The following CAMK1D variants were observed in gnomAD, a reference collection of about 807,000 sequenced individuals.
CAMK1D encodes calcium/calmodulin-dependent protein kinase type 1D.
A neutral mutation model predicts 47.7 loss-of-function variants in CAMK1D; 9 were observed. The ratio of observed to expected loss-of-function variants is 0.19; its 90% confidence interval spans 0.11 to 0.33. The LOEUF is 0.33. Among genes scored for constraint, CAMK1D ranks in the 10% least tolerant of loss-of-function variants. CAMK1D has a pLI of 1.00. For synonymous variants in CAMK1D, 184 were observed against 184.9 expected (o/e 0.99, Z 0.04); for missense variants, 291 against 488.7 (o/e 0.60, Z 3.81).
chr10:12,591,946 C>T (rs1000960727), intron 2 of CAMK1D, among the ~76,000 whole-genome samples: 6 of 152,230 alleles, frequency 3.9e-5, no homozygotes, highest in African/African-American at 1.4e-4. Context: ...ACCCCCTCGG[C>T]CTCCCAAAGT....
At chr10:12,444,705 G>T (rs1484051687) in intron 1 of CAMK1D, among the ~76,000 whole-genome samples, 1 of 152,214 alleles carries the variant, frequency 6.6e-6, no homozygotes, top group East Asian at 1.9e-4. Context: ...GAATACAGGT[G>T]CATTCAAAGG....
rs749675063 is a variant in CAMK1D, at chr10:12,810,151, TAAAA to T, written c.642-4030_642-4027del. On this transcript the variant is annotated intron_variant, in intron 6 of 10. Coordinates refer to ENST00000619168, the MANE Select transcript of CAMK1D (RefSeq NM_153498.4). ...GTGACAGAGAGAGACCCTGTCTCAT[TAAAA>T]AAAAAAAAAAAAAGGCGTTAGGAGG... 1.2e-3 allele frequency among the ~76,000 whole-genome samples: 96 copies of T among 81,418 alleles called. 1 individual carries two copies. The highest frequency in any genetic ancestry group is 5.4e-3 in the African/African-American group (88 of 16,334). The allele number at this position is 81,418 out of a possible 152,430, so 53.4% of individuals were successfully genotyped here.
chr10:12,517,540 T>G (rs184899049), intron 1 of CAMK1D, among the ~76,000 whole-genome samples: 1 of 152,288 alleles, frequency 6.6e-6, no homozygotes, highest in Non-Finnish European at 1.5e-5. Flanking sequence ...GTTAAGGAAG[T>G]TTGCTTTCTA....
intron 1 of CAMK1D, among the ~76,000 whole-genome samples, chr10:12,552,089 G>T (rs1836602394): frequency 6.6e-6 from 1 of 152,202 alleles, no homozygotes; most frequent in South Asian, 2.1e-4. Flanking sequence ...CCATGCCAGG[G>T]TTATTAGTGG....
intron 2 of CAMK1D, among the ~76,000 whole-genome samples, chr10:12,558,321 C>T (rs1405574381): frequency 3.3e-5 from 5 of 152,138 alleles, no homozygotes; most frequent in Non-Finnish European, 4.4e-5. Context: ...TGGGAGGCTG[C>T]TGTGGGTGGG....
chr10:12,492,781 A>G (rs1834425170), intron 1 of CAMK1D, among the ~76,000 whole-genome samples: 1 of 152,200 alleles, frequency 6.6e-6, no homozygotes, highest in Non-Finnish European at 1.5e-5. Context: ...GCTCCCCACC[A>G]CACCTGTATG....
At chr10:12,417,199 A>G (rs1391529330) in intron 1 of CAMK1D, among the ~76,000 whole-genome samples, 1 of 152,150 alleles carries the variant, frequency 6.6e-6, no homozygotes, top group Non-Finnish European at 1.5e-5. Context: ...TATTACCTAG[A>G]CGCAGGATGA....
At chr10:12,552,800 G>A (rs1003351701) in intron 1 of CAMK1D, among the ~76,000 whole-genome samples, 10 of 152,106 alleles carry the variant, frequency 6.6e-5, no homozygotes, top group East Asian at 5.8e-4. Flanking sequence ...GGAGTGCAGC[G>A]ACACGATCTC....
chr10:12,745,639 G>T (rs1473652051), intron 3 of CAMK1D, among the ~76,000 whole-genome samples: 13 of 142,506 alleles, frequency 9.1e-5, no homozygotes, highest in Non-Finnish European at 1.7e-4. Context: ...TTTCGCTCTT[G>T]TTGCCCAGGC....
At position 12,680,417 on chromosome 10, in the gene CAMK1D, G is replaced by T. The variant is rs542778831; in HGVS notation, c.299+13607G>T. 2.6e-5 allele frequency among the ~76,000 whole-genome samples: 4 copies of T among 152,274 alleles called. No individual in the cohort carries two copies. The South Asian group carries it at 8.3e-4, about 32-fold the overall frequency. ...GTTTTAAATAGGCCTAAGGTTTCAG[G>T]TCTAAAATTCTGTGGTCTCGTGTTG... On this transcript the variant is annotated intron_variant, in intron 3 of 10. Coordinates refer to ENST00000619168, the MANE Select transcript of CAMK1D (RefSeq NM_153498.4).
At chr10:12,602,378 C>G (rs1363837264) in intron 2 of CAMK1D, among the ~76,000 whole-genome samples, 1 of 152,146 alleles carries the variant, frequency 6.6e-6, no homozygotes, top group East Asian at 1.9e-4. Context: ...CACTCACAGT[C>G]TCTCATTTCA....
chr10:12,534,226 C>G (rs1469696660), intron 1 of CAMK1D, among the ~76,000 whole-genome samples: 2 of 152,148 alleles, frequency 1.3e-5, no homozygotes, highest in Non-Finnish European at 2.9e-5. Flanking sequence ...ATCAATGTAT[C>G]AATCATGGAG....
At chr10:12,643,130 T>G (rs1266106408) in intron 2 of CAMK1D, among the ~76,000 whole-genome samples, 2 of 151,932 alleles carry the variant, frequency 1.3e-5, no homozygotes, top group African/African-American at 2.4e-5. Context: ...GCAGCCTGAG[T>G]AGCTGGAATT....
chr10:12,403,866 C>A (rs1440346830), intron 1 of CAMK1D, among the ~76,000 whole-genome samples: 1 of 151,874 alleles, frequency 6.6e-6, no homozygotes, highest in Non-Finnish European at 1.5e-5. Flanking sequence ...CCTGATGTTA[C>A]CATTGCAGAC....
chr10:12,824,232 G>A (rs1163323133), intron 8 of CAMK1D, among the ~76,000 whole-genome samples: 1 of 152,110 alleles, frequency 6.6e-6, no homozygotes, highest in Non-Finnish European at 1.5e-5. Context: ...GGCGGGTCTG[G>A]GGAGGGTGCG....
chr10:12,574,497 T>TTTTTTTTTTTTTTA (rs368308201), intron 2 of CAMK1D, among the ~76,000 whole-genome samples: 3 of 128,720 alleles, frequency 2.3e-5, no homozygotes, highest in African/African-American at 9.3e-5. Flanking sequence ...TTTTTTTTTT[T>TTTTTTTTTTTTTTA]AGTAGAGACG....
At chr10:12,408,037 T>C (rs1253342089) in intron 1 of CAMK1D, among the ~76,000 whole-genome samples, 5 of 152,154 alleles carry the variant, frequency 3.3e-5, no homozygotes, top group Non-Finnish European at 7.4e-5. Flanking sequence ...TTTATATTTT[T>C]AGTAGAGACG....
At chr10:12,512,804 A>C (rs1835079099) in intron 1 of CAMK1D, among the ~76,000 whole-genome samples, 1 of 152,198 alleles carries the variant, frequency 6.6e-6, no homozygotes, top group South Asian at 2.1e-4. Flanking sequence ...GAGGGAAAGA[A>C]GGTTCCTGGT....
At chr10:12,667,049 G>A (rs1429169862) in intron 3 of CAMK1D, 6 of 434,166 alleles carry the variant, frequency 1.4e-5, no homozygotes, top group Non-Finnish European at 2.5e-5. Context: ...CTAGAGCTCA[G>A]CAGTGAATGT....
Sources: allele counts gnomAD v4.1 joint callset (sites outside exome capture counted in the v4.1 genomes callset), GRCh38; gene constraint gnomAD v4.1.1; transcripts MANE v1.5; gene names NCBI Gene and HGNC (gene_info 2026-07-23, HGNC 2026-07-21).